The following ENOX1 variants were observed in gnomAD, a reference collection of about 807,000 sequenced individuals.
The protein encoded by ENOX1 is candidate growth-related and time keeping constitutive hydroquinone (NADH) oxidase.
A neutral mutation model predicts 82.5 loss-of-function variants in ENOX1; 42 were observed. The observed-to-expected ratio is 0.51, with a 90% CI of 0.40 to 0.66. The LOEUF (loss-of-function observed/expected upper bound fraction) is 0.66. Ranked by LOEUF, ENOX1 falls within the 30% of genes least tolerant of loss-of-function variation. ENOX1 has a pLI of 0.00. For synonymous variants in ENOX1, 271 were observed against 282.2 expected (o/e 0.96, Z 0.40); for missense variants, 608 against 811.6 (o/e 0.75, Z 3.05).
chr13:43,505,665 G>A (rs2077130284), intron 2 of ENOX1, among the ~76,000 whole-genome samples: 1 of 152,046 alleles, frequency 6.6e-6, no homozygotes. Context: ...TTTGTCAGAT[G>A]AGTATGTTGC....
chr13:43,718,780 C>G (rs1459716469), intron 1 of ENOX1, among the ~76,000 whole-genome samples: 2 of 147,230 alleles, frequency 1.4e-5, no homozygotes, highest in Non-Finnish European at 3.0e-5. Context: ...ACCCTTCAAA[C>G]AAGACTTTGT....
intron 2 of ENOX1, among the ~76,000 whole-genome samples, chr13:43,654,199 G>A (rs2084323849): frequency 1.3e-5 from 2 of 152,174 alleles, no homozygotes; most frequent in Admixed American, 1.3e-4. Flanking sequence ...AAGGCCTTAA[G>A]AGCAAAAACT....
chr13:43,612,305 A>C (rs2082232288), intron 2 of ENOX1, among the ~76,000 whole-genome samples: 1 of 152,206 alleles, frequency 6.6e-6, no homozygotes, highest in African/African-American at 2.4e-5. Flanking sequence ...TGAAATTGTT[A>C]GTCATGAAAA....
intron 1 of ENOX1, among the ~76,000 whole-genome samples, chr13:43,709,987 A>G (rs2087580288): frequency 6.6e-6 from 1 of 152,208 alleles, no homozygotes; most frequent in Admixed American, 6.5e-5. Context: ...ACACAGAACA[A>G]GAGGATAAGC....
intron 9 of ENOX1, among the ~76,000 whole-genome samples, chr13:43,334,662 A>G (rs1223564681): frequency 6.6e-6 from 1 of 152,158 alleles, no homozygotes; most frequent in Non-Finnish European, 1.5e-5. Flanking sequence ...AGCTGCATTT[A>G]CCTCTCTACA....
At chr13:43,736,533 TGG>T (rs2089640405) in intron 1 of ENOX1, among the ~76,000 whole-genome samples, 1 of 152,192 alleles carries the variant, frequency 6.6e-6, no homozygotes, top group Non-Finnish European at 1.5e-5. Flanking sequence ...TCTGTCAAAA[TGG>T]TCATAAGATA....
intron 2 of ENOX1, among the ~76,000 whole-genome samples, chr13:43,611,635 A>G (rs1444255608): frequency 6.6e-6 from 1 of 152,226 alleles, no homozygotes; most frequent in East Asian, 1.9e-4. Flanking sequence ...GCAGCATGTA[A>G]TTTAGGTAAT....
At chr13:43,434,782 CTG>C (rs1410011662) in intron 3 of ENOX1, among the ~76,000 whole-genome samples, 1 of 151,994 alleles carries the variant, frequency 6.6e-6, no homozygotes, top group Non-Finnish European at 1.5e-5. Context: ...CTTTATTGAA[CTG>C]TGTAAAAATG....
At chr13:43,269,642 A>G in intron 12 of ENOX1, 65 bp from the exon 13 acceptor site, 1 of 1,237,588 alleles carries the variant, frequency 8.1e-7, no homozygotes, top group African/African-American at 1.5e-5. Flanking sequence ...AAATATCCAC[A>G]ATACCCATTC....
intron 2 of ENOX1, among the ~76,000 whole-genome samples, chr13:43,529,387 A>G (rs894376701): frequency 5.3e-5 from 8 of 152,082 alleles, no homozygotes; most frequent in Non-Finnish European, 1.2e-4. Context: ...GATGCTGGCA[A>G]TTTGGAGATG....
At chr13:43,784,144 G>A (rs916291401) in intron 1 of ENOX1, among the ~76,000 whole-genome samples, 5 of 152,098 alleles carry the variant, frequency 3.3e-5, no homozygotes, top group Admixed American at 6.5e-5. Flanking sequence ...ACATATATAC[G>A]AATAAATACA....
intron 1 of ENOX1, among the ~76,000 whole-genome samples, chr13:43,760,860 G>GAAAAAAAAAAA (rs386378983): frequency 7.9e-6 from 1 of 127,330 alleles, no homozygotes. Flanking sequence ...CATTAAAGTG[G>GAAAAAAAAAAA]AAAAAAAAAA....
At chr13:43,432,798 A>C in intron 3 of ENOX1, among the ~76,000 whole-genome samples, 1 of 152,112 alleles carries the variant, frequency 6.6e-6, no homozygotes, top group Non-Finnish European at 1.5e-5. Context: ...TCGCCCTTTA[A>C]GTTTTTTTGT....
intron 2 of ENOX1, among the ~76,000 whole-genome samples, chr13:43,498,259 T>C (rs1288963830): frequency 6.6e-6 from 1 of 152,088 alleles, no homozygotes; most frequent in African/African-American, 2.4e-5. Flanking sequence ...TTGTTCTCCA[T>C]GGAATTTAGC....
chr13:43,665,735 C>G (rs1273867086), intron 2 of ENOX1, among the ~76,000 whole-genome samples: 1 of 151,586 alleles, frequency 6.6e-6, no homozygotes, highest in Admixed American at 6.6e-5. Flanking sequence ...AAGGAAAACT[C>G]TTATCTCATT....
chr13:43,699,029 G>A (rs574970006), intron 1 of ENOX1, among the ~76,000 whole-genome samples: 1 of 152,282 alleles, frequency 6.6e-6, no homozygotes, highest in African/African-American at 2.4e-5. Context: ...CTCATAACTT[G>A]GGAAGCAATT....
intron 1 of ENOX1, among the ~76,000 whole-genome samples, chr13:43,734,714 C>T (rs1177322453): frequency 6.6e-6 from 1 of 152,078 alleles, no homozygotes; most frequent in Admixed American, 6.5e-5. Context: ...ACAGCATGCA[C>T]CACTAGCAAC....
At chr13:43,782,333 A>G (rs1422593940) in intron 1 of ENOX1, among the ~76,000 whole-genome samples, 1 of 152,234 alleles carries the variant, frequency 6.6e-6, no homozygotes, top group Non-Finnish European at 1.5e-5. Context: ...CTTTAAATTC[A>G]GATTAATCCT....
Position 43,786,098 on chromosome 13 carries a change from A to G in ENOX1, c.-285+554T>C, listed in dbSNP as rs573169098. Among the ~76,000 whole-genome samples, 25 of 152,238 alleles carry G rather than the reference A, an allele frequency of 1.6e-4. No homozygotes were observed. Among genetic ancestry groups the G allele is most frequent in the South Asian group, 1.5e-3 (7 of 4,816 alleles). ...CCGCGAGAGGGGACAGTCACGAATA[A>G]CAACAGTACCCAGCGCAGACTAGGC... On this transcript the variant is annotated intron_variant, in intron 1 of 16. Coordinates refer to ENST00000690772, the MANE Select transcript of ENOX1 (RefSeq NM_001347969.2). This position sits in a 1 kb window ranked among gnomAD's most constrained non-coding sequence, Gnocchi z 6.0.
Sources: gnomAD v4.1 joint callset for allele counts (sites outside exome capture counted in the v4.1 genomes callset) on GRCh38, gnomAD v4.1.1 for gene constraint, Gnocchi (gnomAD v3.1) non-coding constraint, MANE v1.5 for transcripts, NCBI Gene and HGNC (gene_info 2026-07-23, HGNC 2026-07-21) for gene names.